Variants in EYS observed in about 807,000 individuals in gnomAD.
EYS encodes the protein protein eyes shut homolog.
A neutral mutation model predicts 282.1 loss-of-function variants in EYS; 250 were observed. The ratio of observed to expected loss-of-function variants is 0.89; its 90% CI spans 0.80 to 0.98. The LOEUF is 0.98. Among genes scored for constraint, EYS ranks in the 50% least tolerant of loss-of-function variants. The pLI is 0.00. For synonymous variants in EYS, 1,355 were observed against 1,282.9 expected, an observed-to-expected ratio of 1.06 and a Z score of -1.20; for missense variants, 4,016 against 3,709.0, an observed-to-expected ratio of 1.08 and a Z score of -2.15.
intron 31 of EYS, among the ~76,000 whole-genome samples, chr6:64,195,572 TA>T (rs754633179): frequency 3.3e-5 from 5 of 152,226 alleles, no homozygotes; most frequent in Non-Finnish European, 5.9e-5. Context: ...GTGCTGGTGT[TA>T]AAGGCATGAG....
intron 35 of EYS, among the ~76,000 whole-genome samples, chr6:63,961,494 T>C (rs947578003): frequency 3.3e-5 from 5 of 151,746 alleles, no homozygotes; most frequent in African/African-American, 4.8e-5. Context: ...CCAAATCCTA[T>C]AAAACAGCCC....
intron 31 of EYS, among the ~76,000 whole-genome samples, chr6:64,122,563 T>C (rs1773625663): frequency 6.6e-6 from 1 of 152,152 alleles, no homozygotes; most frequent in African/African-American, 2.4e-5. Flanking sequence ...CTTGTCTCCA[T>C]TTACTAGTTG....
At chr6:65,579,543 G>A (rs976668927) in intron 2 of EYS, among the ~76,000 whole-genome samples, 1 of 152,056 alleles carries the variant, frequency 6.6e-6, no homozygotes, top group Admixed American at 6.6e-5. Flanking sequence ...AGATCAGGGT[G>A]CCAGCACGGT....
intron 22 of EYS, among the ~76,000 whole-genome samples, chr6:64,692,857 T>C (rs973124337): frequency 6.6e-6 from 1 of 152,146 alleles, no homozygotes; most frequent in Non-Finnish European, 1.5e-5. Context: ...TATATGTCCG[T>C]TTTCATTCTA....
Position 64,412,354 on chromosome 6 carries a change from C to T in EYS, c.5928-23514G>A, listed in dbSNP as rs1176109868. 3.9e-5 allele frequency among the ~76,000 whole-genome samples: 6 copies of T among 152,012 alleles called. No individual in the cohort carries two copies. The East Asian group carries it at 1.2e-3, about 29-fold the overall frequency. On this transcript the variant is annotated intron_variant, in intron 28 of 42. Transcript: ENST00000503581. ...ATAGCCTATTTAAAACAATTGTTCC[C>T]AAACAAATAATGAAGAATGAGGACT...
At chr6:65,370,669 CT>C (rs1426719433) in intron 8 of EYS, among the ~76,000 whole-genome samples, 1 of 151,800 alleles carries the variant, frequency 6.6e-6, no homozygotes, top group Non-Finnish European at 1.5e-5. Flanking sequence ...CTATGTATTG[CT>C]ATAAAATGTA....
intron 22 of EYS, among the ~76,000 whole-genome samples, chr6:64,807,638 A>T (rs553239661): frequency 2.3e-4 from 35 of 152,240 alleles, no homozygotes; most frequent in African/African-American, 8.4e-4. Flanking sequence ...TTCATTACGT[A>T]ATATAAAGTC....
In EYS at chr6:65,295,858, C is replaced by T. The variant is rs1287889008; in HGVS notation, c.2023+5G>A. The T allele has an allele frequency of 2.7e-6, 4 of 1,477,184 alleles. No homozygotes were observed. The highest frequency in any genetic ancestry group is 3.6e-6 in the Non-Finnish European group (4 of 1,107,248). 91.5% of individuals were successfully genotyped at this position (1,477,184 alleles called of 1,614,324 possible). A position where few individuals can be genotyped will look rare whatever the true frequency, so the allele number is the denominator to read the frequency against. ...ATTTAATTTATCAGGAAAAAAAAAA[C>T]TTGCCTTTAAATCCTGGGACACACT... On this transcript the variant is annotated splice_donor_5th_base_variant and intron_variant, in intron 12 of 42. Coordinates refer to ENST00000503581, the MANE Select transcript of EYS (RefSeq NM_001142800.2).
chr6:64,007,509 T>C (rs1768407862), intron 33 of EYS, among the ~76,000 whole-genome samples: 1 of 152,150 alleles, frequency 6.6e-6, no homozygotes, highest in African/African-American at 2.4e-5. Flanking sequence ...GTTCTGATTT[T>C]GATTATTTCT....
chr6:64,902,726 C>T (rs890598299), intron 16 of EYS, among the ~76,000 whole-genome samples: 2 of 152,076 alleles, frequency 1.3e-5, no homozygotes, highest in African/African-American at 2.4e-5. Context: ...GGGAGGAATA[C>T]TCCACTAAAT....
intron 2 of EYS, among the ~76,000 whole-genome samples, chr6:65,596,362 T>C (rs1156619867): frequency 6.6e-6 from 1 of 152,108 alleles, no homozygotes; most frequent in Admixed American, 6.6e-5. Flanking sequence ...GGTTATGTGA[T>C]ATATGTGAAT....
At chr6:64,319,958 T>G (rs560600772) in intron 29 of EYS, among the ~76,000 whole-genome samples, 1 of 152,140 alleles carries the variant, frequency 6.6e-6, no homozygotes, top group East Asian at 1.9e-4. Flanking sequence ...CTGAAGAGCT[T>G]CCTTTAACAC....
intron 11 of EYS, among the ~76,000 whole-genome samples, chr6:65,300,456 A>G (rs1334229029): frequency 3.9e-5 from 6 of 152,122 alleles, no homozygotes; most frequent in Non-Finnish European, 7.4e-5. Flanking sequence ...CTTTGAGGGC[A>G]GTAGTCTTAA....
At chr6:64,065,333 G>T (rs1405925104) in intron 33 of EYS, among the ~76,000 whole-genome samples, 3 of 152,140 alleles carry the variant, frequency 2.0e-5, no homozygotes, top group Admixed American at 6.5e-5. Context: ...CTCAGTCACA[G>T]AATATTTTTC....
chr6:65,022,860 T>A (rs905059379), intron 13 of EYS, among the ~76,000 whole-genome samples: 2 of 151,920 alleles, frequency 1.3e-5, no homozygotes, highest in African/African-American at 4.8e-5. Context: ...AGGGAGAGAA[T>A]ATAGAGATAT....
chr6:64,393,202 A>T (rs1307751481), intron 28 of EYS, among the ~76,000 whole-genome samples: 4 of 152,204 alleles, frequency 2.6e-5, no homozygotes, highest in Non-Finnish European at 5.9e-5. Context: ...TACCATAGGT[A>T]CAAGGAGGAA....
At chr6:64,692,606 T>C (rs1583047885) in intron 22 of EYS, among the ~76,000 whole-genome samples, 1 of 152,066 alleles carries the variant, frequency 6.6e-6, no homozygotes, top group Non-Finnish European at 1.5e-5. Context: ...TTTGAGGTCT[T>C]ACATTGAAAT....
At chr6:65,214,528 A>G (rs2093342) in intron 12 of EYS, among the ~76,000 whole-genome samples, 37,009 of 152,104 alleles carry the variant, frequency 0.24, 4,661 homozygotes, top group Middle Eastern at 0.28. Context: ...GAAAGAACCC[A>G]TCCCCATTAA....
At chr6:65,301,528 C>A (rs1024068160) in intron 11 of EYS, among the ~76,000 whole-genome samples, 1 of 152,172 alleles carries the variant, frequency 6.6e-6, no homozygotes. Flanking sequence ...CGGACGGCAG[C>A]GGCCAAGCGA....
Sources: allele counts gnomAD v4.1 joint callset (sites outside exome capture counted in the v4.1 genomes callset), GRCh38; gene constraint gnomAD v4.1.1; transcripts MANE v1.5; gene names NCBI Gene and HGNC (gene_info 2026-07-23, HGNC 2026-07-21).